Variants in ENOX1 observed in about 807,000 individuals in gnomAD.
ENOX1 encodes ecto-NOX disulfide-thiol exchanger 1, also known as candidate growth-related and time keeping constitutive hydroquinone (NADH) oxidase.
Under a neutral mutation model 82.5 loss-of-function variants are expected in ENOX1, and 42 were observed. That is an observed-to-expected ratio of 0.51 (90% confidence interval 0.40 to 0.66). The LOEUF (loss-of-function observed/expected upper bound fraction) is 0.66. Among genes scored for constraint, ENOX1 ranks in the 30% least tolerant of loss-of-function variants. The probability of loss-of-function intolerance (pLI) is 0.00; values close to 1 mark genes in which losing one functional copy is unlikely to be tolerated. For missense variants in ENOX1, 608 were observed against 811.6 expected (o/e 0.75, Z 3.05); for synonymous variants, 271 against 282.2 (o/e 0.96, Z 0.40).
Position 43,597,063 on chromosome 13 carries a change from C to T in ENOX1, c.-219+70416G>A, listed in dbSNP as rs547683903. 6.0e-4 allele frequency among the ~76,000 whole-genome samples: 91 copies of T among 152,144 alleles called. 1 individual carries two copies. Among genetic ancestry groups the T allele is most frequent in the African/African-American group, 1.8e-3 (75 of 41,502 alleles). ...GGAAACTTACAATCACGTCAGAAGG[C>T]GAAGGGGAAGAAAGCATGTCTTACC... is the stretch of plus-strand genomic sequence containing the variant. On this transcript the variant is annotated intron_variant, in intron 2 of 16. Coordinates refer to ENST00000690772, the MANE Select transcript of ENOX1 (RefSeq NM_001347969.2).
chr13:43,559,646 A>G (rs1037150295), intron 2 of ENOX1, among the ~76,000 whole-genome samples: 1 of 152,240 alleles, frequency 6.6e-6, no homozygotes, highest in African/African-American at 2.4e-5. Context: ...CCCAAACTGC[A>G]GAGAATATAT....
intron 14 of ENOX1, among the ~76,000 whole-genome samples, chr13:43,238,687 T>TA (rs1462344445): frequency 2.0e-5 from 3 of 152,120 alleles, no homozygotes; most frequent in African/African-American, 7.2e-5. Flanking sequence ...ATTGCATCAT[T>TA]AAAAAAATAC....
intron 5 of ENOX1, among the ~76,000 whole-genome samples, chr13:43,407,396 C>T (rs571465799): frequency 6.6e-5 from 10 of 152,282 alleles, no homozygotes; most frequent in Admixed American, 3.9e-4. Flanking sequence ...AATATTCTAG[C>T]GTCTCACGAG....
chr13:43,534,420 G>A (rs4603445), intron 2 of ENOX1, among the ~76,000 whole-genome samples: 84,809 of 151,748 alleles, frequency 0.56, 24,101 homozygotes, highest in East Asian at 0.83. Flanking sequence ...AGTCTGATCA[G>A]TTTCCAGGGA....
intron 2 of ENOX1, among the ~76,000 whole-genome samples, chr13:43,607,161 C>G (rs986431867): frequency 2.0e-5 from 3 of 152,028 alleles, no homozygotes; most frequent in African/African-American, 7.2e-5. Flanking sequence ...CCCATTTACC[C>G]TGATGTGATT....
chr13:43,555,115 T>TA (rs5803186), intron 2 of ENOX1, among the ~76,000 whole-genome samples: 148,216 of 152,066 alleles, frequency 0.97, 72,346 homozygotes, highest in Non-Finnish European at 1. Context: ...TAGTAAATTA[T>TA]AAAAAAAATT....
At chr13:43,563,486 C>T (rs1015024279) in intron 2 of ENOX1, among the ~76,000 whole-genome samples, 2 of 151,896 alleles carry the variant, frequency 1.3e-5, no homozygotes, top group African/African-American at 4.8e-5. Flanking sequence ...AAAGGAAGAA[C>T]AAACCTAACA....
intron 3 of ENOX1, among the ~76,000 whole-genome samples, chr13:43,420,087 G>C (rs1489152366): frequency 6.6e-6 from 1 of 152,142 alleles, no homozygotes; most frequent in Non-Finnish European, 1.5e-5. Context: ...TAAAAAGAAA[G>C]ATACATTTCC....
At chr13:43,424,242 A>G (rs994630882) in intron 3 of ENOX1, among the ~76,000 whole-genome samples, 9 of 152,252 alleles carry the variant, frequency 5.9e-5, no homozygotes, top group African/African-American at 7.2e-5. Context: ...CAGACAATAT[A>G]TAATTCTATA....
chr13:43,595,935 T>C (rs2081451428), intron 2 of ENOX1, among the ~76,000 whole-genome samples: 1 of 129,588 alleles, frequency 7.7e-6, no homozygotes, highest in Non-Finnish European at 1.5e-5. Context: ...AATTACCATA[T>C]ATGCTCTTAT....
chr13:43,261,188 G>C (rs2044035878), intron 14 of ENOX1, among the ~76,000 whole-genome samples: 1 of 152,210 alleles, frequency 6.6e-6, no homozygotes, highest in African/African-American at 2.4e-5. Flanking sequence ...GTACACAGTA[G>C]AACGTAAAAA....
intron 12 of ENOX1, among the ~76,000 whole-genome samples, chr13:43,289,012 A>C (rs914303487): frequency 7.2e-5 from 11 of 152,166 alleles, no homozygotes; most frequent in Admixed American, 6.5e-4. Flanking sequence ...CAGCTAACCA[A>C]GGAGGCGAAA....
chr13:43,326,290 T>G, intron 10 of ENOX1, 129 bp downstream of exon 10: 1 of 742,644 alleles, frequency 1.3e-6, no homozygotes, highest in Non-Finnish European at 2.3e-6. Context: ...CATTTGGAGC[T>G]GACAGTGAGA....
At chr13:43,613,993 A>C (rs1389729475) in intron 2 of ENOX1, among the ~76,000 whole-genome samples, 1 of 152,212 alleles carries the variant, frequency 6.6e-6, no homozygotes, top group African/African-American at 2.4e-5. Flanking sequence ...TCATTCCACA[A>C]TAATGAAAAA....
intron 1 of ENOX1, among the ~76,000 whole-genome samples, chr13:43,698,622 T>C (rs1018398122): frequency 6.6e-6 from 1 of 152,140 alleles, no homozygotes; most frequent in Non-Finnish European, 1.5e-5. Context: ...TTTTACCTCA[T>C]ATTTTATTGA....
intron 2 of ENOX1, among the ~76,000 whole-genome samples, chr13:43,587,253 T>C (rs1441661078): frequency 6.6e-6 from 1 of 152,230 alleles, no homozygotes; most frequent in African/African-American, 2.4e-5. Flanking sequence ...TTCTTGGTTA[T>C]AAAGAATTCC....
intron 14 of ENOX1, among the ~76,000 whole-genome samples, chr13:43,248,837 C>T (rs1244764262): frequency 2.0e-5 from 3 of 152,102 alleles, no homozygotes; most frequent in African/African-American, 7.2e-5. Context: ...CTCCCACATA[C>T]ATATAACATA....
intron 2 of ENOX1, among the ~76,000 whole-genome samples, chr13:43,606,353 G>A (rs937513892): frequency 1.3e-5 from 2 of 152,134 alleles, no homozygotes; most frequent in African/African-American, 4.8e-5. Context: ...AGAGATATCT[G>A]CACTCTCATG....
intron 2 of ENOX1, among the ~76,000 whole-genome samples, chr13:43,658,007 G>T (rs978513693): frequency 2.2e-4 from 33 of 152,180 alleles, no homozygotes; most frequent in African/African-American, 7.7e-4. Context: ...GAAATGGCTT[G>T]TTTTTTTAAA....
Sources: gnomAD v4.1 joint callset for allele counts (sites outside exome capture counted in the v4.1 genomes callset) on GRCh38, gnomAD v4.1.1 for gene constraint, MANE v1.5 for transcripts, NCBI Gene and HGNC (gene_info 2026-07-23, HGNC 2026-07-21) for gene names.